Variants in TTC28 observed in about 807,000 individuals in gnomAD.
TTC28 encodes tetratricopeptide repeat protein 28.
In TTC28, 61 loss-of-function variants were observed where a neutral mutation model predicts 198.0. The observed-to-expected ratio is 0.31, with a 90% CI of 0.25 to 0.38. TTC28 has a LOEUF of 0.38. Among genes scored for constraint, TTC28 ranks in the 10% least tolerant of loss-of-function variants. TTC28 has a pLI of 1.00. For missense variants in TTC28, 2,678 were observed against 3,164.0 expected, an observed-to-expected ratio of 0.85 and a Z score of 3.69; for synonymous variants, 1,171 against 1,297.8, an observed-to-expected ratio of 0.90 and a Z score of 2.10.
intron 2 of TTC28, among the ~76,000 whole-genome samples, chr22:28,419,157 T>C (rs1224406293): frequency 6.6e-6 from 1 of 152,194 alleles, no homozygotes; most frequent in African/African-American, 2.4e-5. Flanking sequence ...GAATCATAAC[T>C]AAGAATCCTG....
At chr22:28,211,455 A>G (rs1926952241) in intron 5 of TTC28, among the ~76,000 whole-genome samples, 2 of 152,164 alleles carry the variant, frequency 1.3e-5, no homozygotes, top group Non-Finnish European at 2.9e-5. Flanking sequence ...AAGCAAATGG[A>G]AAACAAAAAA....
chr22:28,280,333 A>ATT (rs201357614), intron 5 of TTC28, among the ~76,000 whole-genome samples: 1 of 150,456 alleles, frequency 6.6e-6, no homozygotes, highest in East Asian at 2.0e-4. Context: ...AAAAAAAAAA[A>ATT]TTTTTTTTTT....
chr22:28,291,492 T>C (rs141339130), intron 5 of TTC28, among the ~76,000 whole-genome samples: 196 of 152,282 alleles, frequency 1.3e-3, no homozygotes, highest in African/African-American at 4.5e-3. Flanking sequence ...AAATGCAAAT[T>C]AAAACAATAA....
intron 5 of TTC28, among the ~76,000 whole-genome samples, chr22:28,227,714 AAAC>A (rs963566157): frequency 3.9e-5 from 6 of 152,184 alleles, no homozygotes; most frequent in Non-Finnish European, 8.8e-5. Context: ...GAAAAAAAAA[AAAC>A]AAGTGTTAGC....
chr22:28,397,930 G>A (rs535891980), intron 2 of TTC28, among the ~76,000 whole-genome samples: 2 of 152,112 alleles, frequency 1.3e-5, no homozygotes, highest in Non-Finnish European at 2.9e-5. Flanking sequence ...TCCAGTAGCC[G>A]CATAGTAAGC....
intron 1 of TTC28, among the ~76,000 whole-genome samples, chr22:28,631,826 T>C (rs893908325): frequency 5.9e-5 from 9 of 152,196 alleles, no homozygotes; most frequent in African/African-American, 9.6e-5. Flanking sequence ...GCACCCAGCC[T>C]GTTACTCATT....
chr22:28,662,057 A>G (rs2145697570), intron 1 of TTC28, among the ~76,000 whole-genome samples: 1 of 152,328 alleles, frequency 6.6e-6, no homozygotes, highest in Middle Eastern at 3.4e-3. Context: ...GTAACTTTCA[A>G]TACATAAAGA....
At chr22:28,287,141 A>C (rs2044700758) in intron 5 of TTC28, among the ~76,000 whole-genome samples, 1 of 152,174 alleles carries the variant, frequency 6.6e-6, no homozygotes, top group Admixed American at 6.5e-5. Context: ...TATAATAACT[A>C]AGAAATTTAC....
At chr22:28,567,957 G>A (rs59463287) in intron 2 of TTC28, among the ~76,000 whole-genome samples, 2,425 of 152,048 alleles carry the variant, frequency 0.016, 86 homozygotes, top group African/African-American at 0.056. Context: ...TGAGAGGGAA[G>A]TTTAGATAAT....
chr22:28,306,024 C>T (rs1023891462), intron 3 of TTC28, among the ~76,000 whole-genome samples: 1 of 152,036 alleles, frequency 6.6e-6, no homozygotes, highest in Admixed American at 6.6e-5. Context: ...ATTTGAGACA[C>T]AGCCTACAAT....
intron 2 of TTC28, among the ~76,000 whole-genome samples, chr22:28,451,234 T>A (rs1230680064): frequency 6.6e-6 from 1 of 152,192 alleles, no homozygotes. Context: ...TGACGGGATA[T>A]CATTGAATAC....
At chr22:28,557,786 CAG>C (rs151118173) in intron 2 of TTC28, among the ~76,000 whole-genome samples, 2,087 of 152,238 alleles carry the variant, frequency 0.014, 63 homozygotes, top group African/African-American at 0.048. Flanking sequence ...GGTTTTCCTT[CAG>C]AGAGAGAATT....
At chr22:28,109,900 T>C (rs564910175) in intron 6 of TTC28, among the ~76,000 whole-genome samples, 3 of 152,300 alleles carry the variant, frequency 2.0e-5, no homozygotes, top group Admixed American at 2.0e-4. Flanking sequence ...ACATCTGAAC[T>C]AAAAATAGAT....
At chr22:28,169,770 T>C (rs929604192) in intron 5 of TTC28, among the ~76,000 whole-genome samples, 9 of 151,758 alleles carry the variant, frequency 5.9e-5, no homozygotes, top group Non-Finnish European at 1.0e-4. Flanking sequence ...TGTATACATA[T>C]GTAAGGAACC....
rs1355484587 is a variant in TTC28 at position 28,030,242 on chromosome 22, T to G, written c.4057A>C (p.Asn1353His). 1 of 1,551,712 alleles carries G rather than the reference T, an allele frequency of 6.4e-7. No homozygotes were observed. Among genetic ancestry groups the G allele is most frequent in the African/African-American group, 1.4e-5 (1 of 73,176 alleles). ...PTGFLRMVRR[N>H]NLFNRSCQSM... ...CACACTCACCTGTTAAACAGGTTAT[T>G]GCGGCGAACCATCCGCAGAAAGCCA... Residue 1353 changes from asparagine (N) to histidine (H), a missense_variant, in exon 13 of 23, where the codon AAT becomes CAT. Physicochemically the swap from Asn to His is moderately conservative, Grantham distance 68. Transcript: ENST00000397906.
At chr22:28,616,499 T>C (rs372203118) in intron 2 of TTC28, among the ~76,000 whole-genome samples, 1 of 152,188 alleles carries the variant, frequency 6.6e-6, no homozygotes, top group African/African-American at 2.4e-5. Flanking sequence ...TCATCAGATA[T>C]AATACTTGAC....
chr22:28,670,704 C>CATATATATATATATATAT lies in TTC28; in HGVS notation c.102+8900_102+8917dup, dbSNP rs146059811. Among the ~76,000 whole-genome samples, 299 of 128,536 alleles carry CATATATATATATATATAT rather than the reference C, an allele frequency of 2.3e-3. 12 individuals are homozygous for CATATATATATATATATAT. Among genetic ancestry groups the CATATATATATATATATAT allele is most frequent in the African/African-American group, 4.3e-3 (145 of 34,044 alleles). 84.3% of individuals were successfully genotyped at this position (128,536 alleles called of 152,430 possible). The stretch of plus-strand genomic sequence containing the variant: ...AACAATTGTTTTGATGTCTTTAGGG[C>CATATATATATATATATAT]ATATATATATATATATATATGAGTG... On this transcript the variant is annotated intron_variant, in intron 1 of 22. Transcript: ENST00000397906.
intron 5 of TTC28, among the ~76,000 whole-genome samples, chr22:28,245,366 T>A (rs994275691): frequency 6.6e-6 from 1 of 152,184 alleles, no homozygotes; most frequent in African/African-American, 2.4e-5. Flanking sequence ...AATACCATTA[T>A]TTACCAGCAC....
intron 5 of TTC28, among the ~76,000 whole-genome samples, chr22:28,170,037 T>C (rs562634863): frequency 7.1e-4 from 108 of 152,166 alleles, no homozygotes; most frequent in African/African-American, 2.5e-3. Flanking sequence ...TAAAAAACAA[T>C]GGTACTTTAA....
Sources: allele counts gnomAD v4.1 joint callset (sites outside exome capture counted in the v4.1 genomes callset), GRCh38; gene constraint gnomAD v4.1.1; transcripts MANE v1.5; gene names NCBI Gene and HGNC (gene_info 2026-07-23, HGNC 2026-07-21).